The following APP variants were observed in gnomAD, a reference collection of about 807,000 sequenced individuals.
The protein encoded by APP is amyloid beta precursor protein.
A neutral mutation model predicts 101.4 loss-of-function variants in APP; 31 were observed. The ratio of observed to expected loss-of-function variants is 0.31; its 90% confidence interval spans 0.23 to 0.41. APP has a LOEUF of 0.41. Ranked by LOEUF, APP falls within the 10% of genes least tolerant of loss-of-function variation. The probability of loss-of-function intolerance (pLI) is 1.00; values close to 1 mark genes in which losing one functional copy is unlikely to be tolerated. For missense variants in APP, 839 were observed against 1,003.7 expected (o/e 0.84, Z 2.22); for synonymous variants, 366 against 364.4 (o/e 1.00, Z -0.05).
intron 3 of APP, among the ~76,000 whole-genome samples, chr21:26,070,379 T>C (rs1233082293): frequency 6.6e-6 from 1 of 152,148 alleles, no homozygotes; most frequent in African/African-American, 2.4e-5. Flanking sequence ...ATTTCTGGAC[T>C]TCTAAGGAAG....
intron 11 of APP, among the ~76,000 whole-genome samples, chr21:25,970,130 C>A (rs886208535): frequency 4.6e-5 from 7 of 152,040 alleles, no homozygotes; most frequent in African/African-American, 1.7e-4. Context: ...TCTTCCTAAT[C>A]CAGTTTTTAA....
intron 1 of APP, among the ~76,000 whole-genome samples, chr21:26,159,740 T>C (rs952466616): frequency 6.6e-6 from 1 of 152,248 alleles, no homozygotes; most frequent in African/African-American, 2.4e-5. Context: ...TCTCATCGGC[T>C]ATTTATTAAA....
intron 2 of APP, among the ~76,000 whole-genome samples, chr21:26,109,864 C>G (rs1351968494): frequency 6.6e-6 from 1 of 152,128 alleles, no homozygotes. Context: ...TGGTCAATGT[C>G]ATAAACTAAA....
intron 13 of APP, among the ~76,000 whole-genome samples, chr21:25,925,028 T>A (rs1162359145): frequency 1.3e-5 from 2 of 152,232 alleles, no homozygotes; most frequent in South Asian, 2.1e-4. Context: ...AATTTACTTA[T>A]GTGCCTGCCT....
At chr21:26,131,517 A>G (rs996448502) in intron 1 of APP, among the ~76,000 whole-genome samples, 1 of 152,220 alleles carries the variant, frequency 6.6e-6, no homozygotes, top group African/African-American at 2.4e-5. Context: ...ATTAGAGACA[A>G]CAACAGTGTA....
intron 8 of APP, among the ~76,000 whole-genome samples, chr21:25,990,327 G>A (rs1189660772): frequency 6.6e-6 from 1 of 152,168 alleles, no homozygotes; most frequent in Non-Finnish European, 1.5e-5. Context: ...TGAACTGAAT[G>A]TGAAGGAACG....
At chr21:26,048,455 A>G (rs993547088) in intron 5 of APP, among the ~76,000 whole-genome samples, 2 of 152,214 alleles carry the variant, frequency 1.3e-5, no homozygotes, top group African/African-American at 4.8e-5. Context: ...GTTTTAAGAA[A>G]GTTTATGAAT....
At chr21:25,901,759 G>C (rs1218863291) in intron 15 of APP, among the ~76,000 whole-genome samples, 2 of 152,134 alleles carry the variant, frequency 1.3e-5, no homozygotes, top group Admixed American at 6.5e-5. Flanking sequence ...TGTAAGTCAT[G>C]ATGAGTGGAC....
intron 17 of APP, among the ~76,000 whole-genome samples, chr21:25,888,161 C>T (rs2037462947): frequency 6.6e-6 from 1 of 152,132 alleles, no homozygotes; most frequent in Admixed American, 6.5e-5. Flanking sequence ...TTTGTTCTTA[C>T]TGAAGTAGGG....
intron 13 of APP, chr21:25,937,650 G>A: frequency 6.6e-6 from 1 of 152,226 alleles, no homozygotes; most frequent in East Asian, 1.9e-4. Context: ...GGAGGTAAAT[G>A]TTCTATAAGT....
At chr21:26,009,067 A>G (rs1286120330) in intron 6 of APP, among the ~76,000 whole-genome samples, 1 of 152,220 alleles carries the variant, frequency 6.6e-6, no homozygotes, top group Admixed American at 6.5e-5. Flanking sequence ...TGGATATCTC[A>G]GTTTGAGAAG....
At chr21:26,049,088 TACC>T in intron 5 of APP, among the ~76,000 whole-genome samples, 1 of 152,158 alleles carries the variant, frequency 6.6e-6, no homozygotes, top group South Asian at 2.1e-4. Context: ...AAATATTTCC[TACC>T]AACTGTCAAC....
Position 26,170,578 on chromosome 21 carries a change from C to T in APP, c.43G>A (p.Ala15Thr). 6.5e-7 allele frequency: 1 copy of T among 1,538,790 alleles called. No homozygotes were observed. Among genetic ancestry groups the T allele is most frequent in the Non-Finnish European group, 8.7e-7 (1 of 1,146,460 alleles). Reference sequence around the variant, plus strand: ...GCGGCACCCACCTCCAGCGCCCGAGCCGTCCAGGCGGCCAGCAGGAGCAGT... The same window carrying T: ...GCGGCACCCACCTCCAGCGCCCGAGTCGTCCAGGCGGCCAGCAGGAGCAGT... ...LALLLLAAWT[A>T]RALEVPTDGN... Residue 15 changes from alanine (A) to threonine (T), a missense_variant, in exon 1 of 18, where the codon GCT (alanine) becomes ACT (threonine). Coordinates refer to ENST00000346798, the MANE Select transcript of APP (RefSeq NM_000484.4).
intron 1 of APP, among the ~76,000 whole-genome samples, chr21:26,138,334 A>G (rs1005665241): frequency 3.9e-5 from 6 of 152,136 alleles, no homozygotes; most frequent in African/African-American, 1.4e-4. Context: ...GGCAGATCAT[A>G]TACTATACAC....
At chr21:25,988,870 C>T (rs908475384) in intron 8 of APP, among the ~76,000 whole-genome samples, 5 of 151,910 alleles carry the variant, frequency 3.3e-5, no homozygotes, top group Non-Finnish European at 7.4e-5. Flanking sequence ...AATATGAAAA[C>T]GGGAGAAACT....
At chr21:26,102,122 CT>C (rs11353675) in intron 2 of APP, among the ~76,000 whole-genome samples, 140,012 of 140,032 alleles carry the variant, frequency 1, 69,996 homozygotes, top group Middle Eastern at 1. Context: ...GAGTCTCGCT[CT>C]TGTCGCCCAG....
In APP at chr21:26,036,272, G is replaced by A. The variant is rs528939706; in HGVS notation, c.663-14230C>T. Reference sequence around the variant, plus strand: ...AATTAAAACCACAAAGGCTAGGGTGGGGGTGGGGGGTAGAACTGGGGGGTG... The same window carrying A: ...AATTAAAACCACAAAGGCTAGGGTGAGGGTGGGGGGTAGAACTGGGGGGTG... On this transcript the variant is annotated intron_variant, in intron 5 of 17. Transcript: ENST00000346798. 3.5e-5 allele frequency among the ~76,000 whole-genome samples: 5 copies of A among 144,462 alleles called. No individual in the cohort carries two copies. In the Admixed American group the frequency reaches 3.5e-4, roughly 10 times the overall value. The allele number at this position is 144,462 out of a possible 152,430, so 94.8% of individuals were successfully genotyped here.
intron 9 of APP, among the ~76,000 whole-genome samples, chr21:25,977,264 C>G (rs574995607): frequency 6.6e-6 from 1 of 152,186 alleles, no homozygotes; most frequent in African/African-American, 2.4e-5. Flanking sequence ...CCTACAGCTG[C>G]CTTTTCAAGT....
chr21:26,074,535 G>T (rs1027823941), intron 3 of APP, among the ~76,000 whole-genome samples: 1 of 152,200 alleles, frequency 6.6e-6, no homozygotes, highest in Non-Finnish European at 1.5e-5. Context: ...CAGATCTGTT[G>T]AGGTCAGGAG....
Sources: gnomAD v4.1 joint callset for allele counts (sites outside exome capture counted in the v4.1 genomes callset) on GRCh38, gnomAD v4.1.1 for gene constraint, MANE v1.5 for transcripts, NCBI Gene and HGNC (gene_info 2026-07-23, HGNC 2026-07-21) for gene names.